The following LBHD1 variants were observed in gnomAD, a reference collection of about 807,000 sequenced individuals.
LBHD1 encodes LBH domain containing 1.
A neutral mutation model predicts 31.1 loss-of-function variants in LBHD1; 28 were observed. The observed-to-expected ratio is 0.90, with a 90% CI of 0.67 to 1.24. The LOEUF (loss-of-function observed/expected upper bound fraction) is 1.24, where lower values mean the gene tolerates loss of function less well. Among genes scored for constraint, LBHD1 ranks in the 50% most tolerant of loss-of-function variants. The probability of loss-of-function intolerance (pLI) is 0.00; values close to 1 mark genes in which losing one functional copy is unlikely to be tolerated. For synonymous variants in LBHD1, 105 were observed against 116.5 expected (o/e 0.90, Z 0.63); for missense variants, 350 against 323.0 (o/e 1.08, Z -0.64).
At chr11:62,665,504 C>G in intron 4 of LBHD1, 1 of 1,573,026 alleles carries the variant, frequency 6.4e-7, no homozygotes, top group Non-Finnish European at 8.6e-7. Flanking sequence ...CTGGCCCCCT[C>G]GGCGTCATGT....
chr11:62,666,083 C>T (rs1406340898), intron 4 of LBHD1: 1 of 1,050,474 alleles, frequency 9.5e-7, no homozygotes, highest in African/African-American at 1.6e-5. Context: ...CGTGGTGGCT[C>T]ACGGCTGTAA....
At position 62,665,538 on chromosome 11, in the gene LBHD1, C is replaced by A. The variant is rs762785573; in HGVS notation, c.539-565G>T. The A allele has an allele frequency of 3.8e-6, 6 of 1,569,854 alleles. No individual in the cohort carries two copies. In the East Asian group the frequency reaches 1.2e-4, roughly 31 times the overall value. On this transcript the variant is annotated intron_variant, in intron 4 of 6. Coordinates refer to ENST00000354588, the MANE Select transcript of LBHD1 (RefSeq NM_024099.5). ...GTCTTCGGTGCTGGCGGCTTCCCAT[C>A]CGCTGGTTCTATCCTCAAACGCCGG... is the stretch of plus-strand genomic sequence containing the variant.
chr11:62,664,105 A>G (rs1295347524), intron 5 of LBHD1, among the ~76,000 whole-genome samples: 6 of 143,702 alleles, frequency 4.2e-5, no homozygotes, highest in Non-Finnish European at 9.3e-5. Context: ...AAAAAAAAAA[A>G]GGACACAGAA....
chr11:62,665,799 C>T (rs1010282037), intron 4 of LBHD1: 1 of 1,569,372 alleles, frequency 6.4e-7, no homozygotes, highest in Non-Finnish European at 8.7e-7. Context: ...CAGATCTTCC[C>T]CTGGACCTCA....
Position 62,663,331 on chromosome 11 carries a change from G to A in LBHD1, c.666C>T (p.Val222=), listed in dbSNP as rs1163560691. Residue 222 remains valine, a splice_region_variant and synonymous_variant, in exon 6 of 7, where the codon GTC becomes GTT. Transcript: ENST00000354588. ...DHAAPPQEAG[V]QCTCQHYTVR... is the part of the protein sequence containing the mutation. The stretch of plus-strand genomic sequence containing the variant: ...CAGTGTAATGTTGGCACGTGCACTG[G>A]ACCTGATGGGTAAGTGGAAATAAAG... 3 of 1,613,408 alleles carry A rather than the reference G, an allele frequency of 1.9e-6. No individual in the cohort carries two copies. Among genetic ancestry groups the A allele is most frequent in the South Asian group, 2.2e-5 (2 of 91,056 alleles).
At chr11:62,667,980 A>G in intron 3 of LBHD1, 1 of 449,926 alleles carries the variant, frequency 2.2e-6, no homozygotes, top group Non-Finnish European at 4.0e-6. Flanking sequence ...AGCTGGGAGG[A>G]CTGCTTGAAC....
chr11:62,662,881 T>A lies in LBHD1; in HGVS notation c.*248A>T, dbSNP rs560413045. The A allele has an allele frequency of 9.9e-6, 6 of 606,332 alleles. No homozygotes were observed. In the South Asian group the frequency reaches 1.2e-4, roughly 13 times the overall value. The allele number at this position is 606,332 out of a possible 1,614,324, so 37.6% of individuals were successfully genotyped here. A position where few individuals can be genotyped will look rare whatever the true frequency, so the allele number is the denominator to read the frequency against. On this transcript the variant is annotated 3_prime_UTR_variant, in exon 7 of 7. Coordinates refer to ENST00000354588, the MANE Select transcript of LBHD1 (RefSeq NM_024099.5). ...TAGAGAGGCCCTTCTCCAATCTTTCTTCTGTACCTTCTTCCCTCCCAAAGA... is the reference window on the plus strand; with the variant it reads ...TAGAGAGGCCCTTCTCCAATCTTTCATCTGTACCTTCTTCCCTCCCAAAGA...
Position 62,663,268 on chromosome 11 carries a change from CGG to C in LBHD1, c.727_728del (p.Pro243GlyfsTer38). 1.2e-6 allele frequency: 2 copies of C among 1,614,140 alleles called. No individual in the cohort carries two copies. Among genetic ancestry groups the C allele is most frequent in the Non-Finnish European group, 1.7e-6 (2 of 1,180,024 alleles). ...GGCTGTCTTCTCTTTCTGGGCAAGC[CGG>C]ATCTGCTGGAGGAGTTTTCTGCGCT... is the stretch of plus-strand genomic sequence containing the variant. ...EEAQKTPPAD[P>X]ACPEREDSHG... is the part of the protein sequence containing the mutation. On this transcript the variant is annotated frameshift_variant, in exon 6 of 7. Coordinates refer to ENST00000354588, the MANE Select transcript of LBHD1 (RefSeq NM_024099.5). LOFTEE classifies it high-confidence loss of function.
intron 1 of LBHD1, chr11:62,671,287 T>A: frequency 1.7e-6 from 1 of 593,036 alleles, no homozygotes; most frequent in Non-Finnish European, 2.9e-6. Context: ...GTTCCAGAGT[T>A]GAGGGGATGG....
intron 5 of LBHD1, among the ~76,000 whole-genome samples, chr11:62,664,082 G>GAAA (rs71056540): frequency 1.2e-4 from 8 of 65,938 alleles, no homozygotes; most frequent in Non-Finnish European, 1.7e-4. Flanking sequence ...CAAAAAAGAG[G>GAAA]AAAAAAAAAA....
At chr11:62,665,710 T>C in intron 4 of LBHD1, 6 of 1,462,182 alleles carry the variant, frequency 4.1e-6, no homozygotes, top group South Asian at 4.1e-5. Flanking sequence ...GTTCCTACCA[T>C]AGTCTGTGTC....
intron 4 of LBHD1, chr11:62,667,267 C>G (rs377120219): frequency 2.0e-5 from 13 of 637,766 alleles, no homozygotes; most frequent in African/African-American, 2.0e-4. Flanking sequence ...CAATGATGTG[C>G]GCAATATTTA....
rs1025716878 is a variant in LBHD1 at position 62,669,727 on chromosome 11, T to C, written c.227A>G (p.His76Arg). ...CAGCAGCAGCTCCTCATGGGGCAAA[T>C]GGAGATCCCCACTCTCTTCATTCAC... ...SEVNEESGDLHLPHEELLLLT... is the reference protein window; with the variant it reads ...SEVNEESGDLRLPHEELLLLT... Residue 76 changes from histidine (H) to arginine (R), a missense_variant, in exon 3 of 7, where the codon CAT becomes CGT. Transcript: ENST00000354588. The C allele has an allele frequency of 6.2e-7, 1 of 1,614,052 alleles. No individual in the cohort carries two copies. Among genetic ancestry groups the C allele is most frequent in the South Asian group, 1.1e-5 (1 of 91,076 alleles).
Position 62,671,717 on chromosome 11 carries a change from T to TG in LBHD1, c.-165dup. On this transcript the variant is annotated 5_prime_UTR_variant, in exon 1 of 7. It introduces an in-frame stop codon into an upstream open reading frame of the 5' UTR. Transcript: ENST00000354588. Reference sequence around the variant, plus strand: ...AGCTTGCGGCTGCGGGGAGCTCCCGTGGGCGCTCCGCTGGCTGTGCAGGCG... The same window carrying TG: ...AGCTTGCGGCTGCGGGGAGCTCCCGTGGGGCGCTCCGCTGGCTGTGCAGGCG... 6.2e-7 allele frequency: 1 copy of TG among 1,610,594 alleles called. No individual in the cohort carries two copies. The highest frequency in any genetic ancestry group is 8.5e-7 in the Non-Finnish European group (1 of 1,178,562).
At chr11:62,670,144 G>A (rs1419893013) in intron 1 of LBHD1, 103 bp from the exon 2 acceptor site, 5 of 1,239,110 alleles carry the variant, frequency 4.0e-6, no homozygotes, top group Non-Finnish European at 5.6e-6. Context: ...CTTAAGCACC[G>A]ACTGTGCTAA....
chr11:62,664,332 T>TA (rs1214509257), intron 5 of LBHD1, among the ~76,000 whole-genome samples: 1 of 137,826 alleles, frequency 7.3e-6, no homozygotes. Context: ...TATTCTTTTT[T>TA]TTTTTTTTTT....
At position 62,671,602 on chromosome 11, in the gene LBHD1, A is replaced by C. The variant is rs1467332728; in HGVS notation, c.-49T>G. ...GCTCCGGATTCCAAACGTTTCCTCG[A>C]GCAGGTCCTCTCTAGCCGGCCGCTT... On this transcript the variant is annotated 5_prime_UTR_variant, in exon 1 of 7. Coordinates refer to ENST00000354588, the MANE Select transcript of LBHD1 (RefSeq NM_024099.5). 4.7e-6 allele frequency: 7 copies of C among 1,489,678 alleles called. No individual in the cohort carries two copies. In the African/African-American group the frequency reaches 8.4e-5, roughly 18 times the overall value. The allele number at this position is 1,489,678 out of a possible 1,614,324, so 92.3% of individuals were successfully genotyped here.
intron 4 of LBHD1, chr11:62,665,316 C>T: frequency 6.9e-6 from 5 of 728,458 alleles, no homozygotes; most frequent in South Asian, 6.6e-5. Flanking sequence ...GGAGGCCTTT[C>T]GGAGGGTGGT....
intron 1 of LBHD1, 59 bp downstream of exon 1, chr11:62,671,504 TC>T (rs1244109744): frequency 3.0e-5 from 41 of 1,383,726 alleles, no homozygotes; most frequent in South Asian, 4.6e-5. Flanking sequence ...GGACACAGGG[TC>T]CCCGCGCTCA....
Sources: gnomAD v4.1 joint callset for allele counts (sites outside exome capture counted in the v4.1 genomes callset) on GRCh38, gnomAD v4.1.1 for gene constraint, MANE v1.5 for transcripts, NCBI Gene and HGNC (gene_info 2026-07-23, HGNC 2026-07-21) for gene names.